TMEM97: variants seen among roughly 807,000 people sequenced by gnomAD.
TMEM97 encodes the protein transmembrane protein 97.
Under a neutral mutation model 18.3 loss-of-function variants are expected in TMEM97, and 13 were observed. The observed-to-expected ratio is 0.71, with a 90% CI of 0.46 to 1.13. The LOEUF (loss-of-function observed/expected upper bound fraction) is 1.13. TMEM97 is among the 50% of genes most tolerant of loss of function. The pLI is 0.00. For synonymous variants in TMEM97, 76 were observed against 85.3 expected (o/e 0.89, Z 0.60); for missense variants, 205 against 210.5 (o/e 0.97, Z 0.16).
intron 1 of TMEM97, 101 bp downstream of exon 1, chr17:28,319,466 GC>G: frequency 5.1e-6 from 7 of 1,378,206 alleles, no homozygotes; most frequent in Non-Finnish European, 6.6e-6. Context: ...GGTTCCAGTT[GC>G]CTCTCTCGGG....
At chr17:28,324,070 A>G (rs777916568) in intron 1 of TMEM97, among the ~76,000 whole-genome samples, 2 of 152,230 alleles carry the variant, frequency 1.3e-5, no homozygotes, top group Non-Finnish European at 2.9e-5. Context: ...AAATCTAAAA[A>G]GCAAAAAAGG....
At position 28,326,952 on chromosome 17, in the gene TMEM97, T is replaced by G; in HGVS notation, c.*159T>G. 2 of 829,834 alleles carry G rather than the reference T, an allele frequency of 2.4e-6. No individual in the cohort carries two copies. Among genetic ancestry groups the G allele is most frequent in the Non-Finnish European group, 3.7e-6 (2 of 543,000 alleles). The allele number at this position is 829,834 out of a possible 1,614,324, so 51.4% of individuals were successfully genotyped here. On this transcript the variant is annotated 3_prime_UTR_variant, in exon 3 of 3. Coordinates refer to ENST00000226230, the MANE Select transcript of TMEM97 (RefSeq NM_014573.3). ...TGGTGTCAGGAACCATGTCAAACCC[T>G]CACCTTCTTCCATTTTTTTTTTTTT...
In TMEM97 at chr17:28,319,213, A is replaced by C; in HGVS notation, c.-27A>C. 3.2e-6 allele frequency: 5 copies of C among 1,572,828 alleles called. No homozygotes were observed. The highest frequency in any genetic ancestry group is 4.3e-6 in the Non-Finnish European group (5 of 1,159,628). On this transcript the variant is annotated 5_prime_UTR_variant, in exon 1 of 3. Transcript: ENST00000226230. ...CGGATTTGGCCCCTCTTCTCACATC[A>C]GCGGGTCCAGGCCCAACCGACAGAC...
chr17:28,323,512 C>T (rs1002517369), intron 1 of TMEM97, among the ~76,000 whole-genome samples: 17 of 151,844 alleles, frequency 1.1e-4, no homozygotes, highest in Admixed American at 2.0e-4. Context: ...CTCACTGCAA[C>T]CTCAGCCTCC....
At chr17:28,325,471 C>G (rs1465237361) in intron 1 of TMEM97, 32 bp from the exon 2 acceptor site, 2 of 1,610,362 alleles carry the variant, frequency 1.2e-6, no homozygotes, top group African/African-American at 1.3e-5. Flanking sequence ...GGGCAAGTGG[C>G]TGTAATTCAT....
chr17:28,323,750 G>A (rs947198800), intron 1 of TMEM97, among the ~76,000 whole-genome samples: 1 of 152,222 alleles, frequency 6.6e-6, no homozygotes, highest in Admixed American at 6.5e-5. Flanking sequence ...GCTCACACCT[G>A]TAATCCCAGC....
intron 1 of TMEM97, among the ~76,000 whole-genome samples, chr17:28,324,487 C>A (rs1555575233): frequency 6.6e-6 from 1 of 151,968 alleles, no homozygotes; most frequent in African/African-American, 2.4e-5. Context: ...AAATTCTTAC[C>A]CTGGAGTTGC....
Position 28,319,209 on chromosome 17 carries a change from C to T in TMEM97, c.-31C>T, listed in dbSNP as rs1906029541. The T allele has an allele frequency of 6.4e-7, 1 of 1,569,500 alleles. No individual in the cohort carries two copies. The highest frequency in any genetic ancestry group is 8.6e-7 in the Non-Finnish European group (1 of 1,158,006). ...CGCGCGGATTTGGCCCCTCTTCTCA[C>T]ATCAGCGGGTCCAGGCCCAACCGAC... On this transcript the variant is annotated 5_prime_UTR_variant, in exon 1 of 3. Transcript: ENST00000226230.
At chr17:28,325,843 C>A in intron 2 of TMEM97, 196 bp downstream of exon 2, 1 of 695,938 alleles carries the variant, frequency 1.4e-6, no homozygotes, top group Non-Finnish European at 2.3e-6. Flanking sequence ...GGTCAGCAGG[C>A]CTGCACGGCT....
At chr17:28,326,398 C>A in intron 2 of TMEM97, 136 bp from the exon 3 acceptor site, 1 of 1,048,052 alleles carries the variant, frequency 9.5e-7, no homozygotes, top group Non-Finnish European at 1.4e-6. Context: ...TGTGGCACAT[C>A]CAGGTTTCCA....
At chr17:28,321,773 C>T (rs1906151010) in intron 1 of TMEM97, among the ~76,000 whole-genome samples, 1 of 150,388 alleles carries the variant, frequency 6.6e-6, no homozygotes, top group African/African-American at 2.5e-5. Context: ...GGCCCAAGGG[C>T]CAGTGCAGGC....
rs781810899 is a variant in TMEM97 at position 28,327,413 on chromosome 17, C to T, written c.*620C>T. On this transcript the variant is annotated 3_prime_UTR_variant, in exon 3 of 3. Coordinates refer to ENST00000226230, the MANE Select transcript of TMEM97 (RefSeq NM_014573.3). ...ACCGCAAGATTACTAAAAGCAGGAC[C>T]AGACCAGAAACTGCTAAAGAACATG... 3.9e-4 allele frequency: 60 copies of T among 153,500 alleles called. 1 individual carries two copies. Among genetic ancestry groups the T allele is most frequent in the Non-Finnish European group, 6.1e-4 (42 of 68,996 alleles). The allele number at this position is 153,500 out of a possible 1,614,324, so 9.5% of individuals were successfully genotyped here.
At position 28,319,282 on chromosome 17, in the gene TMEM97, G is replaced by C. The variant is rs782800780; in HGVS notation, c.43G>C (p.Gly15Arg). 3 of 1,610,272 alleles carry C rather than the reference G, an allele frequency of 1.9e-6. No homozygotes were observed. The highest frequency in any genetic ancestry group is 2.5e-6 in the Non-Finnish European group (3 of 1,178,572). ...ATRRCVEWLL[G>R]LYFLSHIPIT... The stretch of plus-strand genomic sequence containing the variant: ...CAGGCGCTGCGTGGAGTGGCTGCTG[G>C]GCCTCTACTTCCTCAGCCACATCCC... The change falls in exon 1 of 3, where the codon GGC (glycine) becomes CGC (arginine). Residue 15 changes from glycine to arginine, a missense_variant. Coordinates refer to ENST00000226230, the MANE Select transcript of TMEM97 (RefSeq NM_014573.3).
chr17:28,320,228 T>C (rs1555574793), intron 1 of TMEM97, among the ~76,000 whole-genome samples: 1 of 152,210 alleles, frequency 6.6e-6, no homozygotes, highest in Non-Finnish European at 1.5e-5. Context: ...AAATGCTTTT[T>C]ATCTGCCGAG....
At chr17:28,319,519 G>T (rs1906058703) in intron 1 of TMEM97, 154 bp downstream of exon 1, 1 of 938,448 alleles carries the variant, frequency 1.1e-6, no homozygotes, top group Non-Finnish European at 1.5e-6. Flanking sequence ...ACTTTAGTTC[G>T]GTGTTTTCCT....
At chr17:28,324,409 C>G (rs868969300) in intron 1 of TMEM97, among the ~76,000 whole-genome samples, 1 of 152,154 alleles carries the variant, frequency 6.6e-6, no homozygotes, top group African/African-American at 2.4e-5. Context: ...TTCACAATAG[C>G]GAGGCTTTAT....
rs781841866 is a variant in TMEM97, at chr17:28,325,679, C to T, written c.271+32C>T. On this transcript the variant is annotated intron_variant, in intron 2 of 2. Coordinates refer to ENST00000226230, the MANE Select transcript of TMEM97 (RefSeq NM_014573.3). ...AAATGGTGGGAAAATCCCATTTTTA[C>T]TCAGAAATCAGGTCCCAGAAATCTT... 5 of 1,613,236 alleles carry T rather than the reference C, an allele frequency of 3.1e-6. No individual in the cohort carries two copies. The South Asian group carries it at 4.4e-5, about 14-fold the overall frequency.
chr17:28,326,847 G>A lies in TMEM97; in HGVS notation c.*54G>A. On this transcript the variant is annotated 3_prime_UTR_variant, in exon 3 of 3. Coordinates refer to ENST00000226230, the MANE Select transcript of TMEM97 (RefSeq NM_014573.3). Reference sequence around the variant, plus strand: ...ATGCCTACAGGGTGGTTGCTTGTTGGATACAATACAAGGAACACTGCTCAG... The same window carrying A: ...ATGCCTACAGGGTGGTTGCTTGTTGAATACAATACAAGGAACACTGCTCAG... 1 of 1,569,912 alleles carries A rather than the reference G, an allele frequency of 6.4e-7. No individual in the cohort carries two copies. The highest frequency in any genetic ancestry group is 8.6e-7 in the Non-Finnish European group (1 of 1,166,202).
At position 28,326,551 on chromosome 17, in the gene TMEM97, C is replaced by T. The variant is rs1555575485; in HGVS notation, c.289C>T (p.Arg97Ter). ...TACCTCAGGAAGCTGCAAGTGGATT[C>T]GAACTCCTGCAATCATCTACTCTGT... ...AFLKGSCKWI[R>*]TPAIIYSVHT... Residue 97 changes from arginine to a stop codon, truncating the protein, a stop_gained, in exon 3 of 3, where the codon CGA becomes TGA. Transcript: ENST00000226230. LOFTEE classifies it high-confidence loss of function. The T allele has an allele frequency of 1.2e-6, 2 of 1,613,548 alleles. No homozygotes were observed. Among genetic ancestry groups the T allele is most frequent in the African/African-American group, 1.3e-5 (1 of 75,002 alleles).
Sources: gnomAD v4.1 joint callset for allele counts (sites outside exome capture counted in the v4.1 genomes callset) on GRCh38, gnomAD v4.1.1 for gene constraint, MANE v1.5 for transcripts, NCBI Gene and HGNC (gene_info 2026-07-23, HGNC 2026-07-21) for gene names.